Variants in PRKAG2 observed in about 807,000 individuals in gnomAD.
PRKAG2 encodes 5'-AMP-activated protein kinase subunit gamma-2.
In PRKAG2, 26 loss-of-function variants were observed where a neutral mutation model predicts 69.6. That is an observed-to-expected ratio of 0.37 (90% CI 0.27 to 0.52). PRKAG2 has a LOEUF of 0.52. Ranked by LOEUF, PRKAG2 falls within the 20% of genes least tolerant of loss-of-function variation. The pLI is 0.90. For synonymous variants in PRKAG2, 293 were observed against 285.0 expected, an observed-to-expected ratio of 1.03 and a Z score of -0.28; for missense variants, 557 against 740.0, an observed-to-expected ratio of 0.75 and a Z score of 2.87.
Position 151,632,755 on chromosome 7 carries a change from A to C in PRKAG2, c.685-617T>G. On this transcript the variant is annotated intron_variant, in intron 4 of 15. Coordinates refer to ENST00000287878, the MANE Select transcript of PRKAG2 (RefSeq NM_016203.4). The surrounding 1 kb of genome is among the most constrained non-coding windows in gnomAD (Gnocchi z 4.2). ...TAACTGCCCATCCTCGGCCCCCTTA[A>C]CAAAAATCGTTCCGTGGGCTACACG... is the stretch of plus-strand genomic sequence containing the variant. The C allele has an allele frequency of 4.0e-6, 1 of 251,060 alleles. No homozygotes were observed. The highest frequency in any genetic ancestry group is 6.3e-6 in the Non-Finnish European group (1 of 158,654). The allele number at this position is 251,060 out of a possible 1,614,324, so 15.6% of individuals were successfully genotyped here.
chr7:151,695,448 T>C (rs1836451069), intron 3 of PRKAG2, among the ~76,000 whole-genome samples: 1 of 151,992 alleles, frequency 6.6e-6, no homozygotes, highest in South Asian at 2.1e-4. Context: ...AAGTAGGCAT[T>C]TGTGATGGCC....
intron 15 of PRKAG2, chr7:151,559,364 T>C (rs1466730047): frequency 6.1e-6 from 6 of 985,490 alleles, no homozygotes; most frequent in Non-Finnish European, 7.2e-6. Context: ...TTCATGATTA[T>C]AGAGACTATT....
intron 1 of PRKAG2, among the ~76,000 whole-genome samples, chr7:151,800,367 A>G (rs1374355594): frequency 6.6e-6 from 1 of 151,344 alleles, no homozygotes; most frequent in Non-Finnish European, 1.5e-5. Flanking sequence ...CAAAAAAAAA[A>G]AAAAAAAGAA....
chr7:151,674,611 C>T (rs1472063057), intron 4 of PRKAG2, among the ~76,000 whole-genome samples: 1 of 152,164 alleles, frequency 6.6e-6, no homozygotes, highest in African/African-American at 2.4e-5. Context: ...AGATTCGCTG[C>T]CTCGGTCTCA....
intron 1 of PRKAG2, among the ~76,000 whole-genome samples, chr7:151,815,705 T>C (rs2078621240): frequency 6.6e-6 from 1 of 152,202 alleles, no homozygotes; most frequent in African/African-American, 2.4e-5. Context: ...TCTGCATGTC[T>C]TCCTGTACCT....
rs2151698925 is a variant in PRKAG2 at position 151,736,220 on chromosome 7, A to T, written c.466+44932T>A. ...GCAGCCCCAGAGTCTGTGAGGCGCC[A>T]GGGAGTGGAGCCGTCCTGACGGGGC... is the stretch of plus-strand genomic sequence containing the variant. On this transcript the variant is annotated intron_variant, in intron 3 of 15. Transcript: ENST00000287878. 5 of 1,392,080 alleles carry T rather than the reference A, an allele frequency of 3.6e-6. No homozygotes were observed. In the South Asian group the frequency reaches 7.8e-5, roughly 22 times the overall value. The allele number at this position is 1,392,080 out of a possible 1,614,324, so 86.2% of individuals were successfully genotyped here. A position where few individuals can be genotyped will look rare whatever the true frequency, so the allele number is the denominator to read the frequency against.
intron 6 of PRKAG2, among the ~76,000 whole-genome samples, chr7:151,588,048 T>C (rs1040391877): frequency 2.0e-5 from 3 of 152,186 alleles, no homozygotes; most frequent in African/African-American, 7.2e-5. Flanking sequence ...TTGTAGAGTA[T>C]TGCTAAAAGA....
In PRKAG2 at chr7:151,874,459, TATGTATATGTATATG is replaced by T. The variant is rs1300461613; in HGVS notation, c.114+2033_114+2047del. ...TGTATATGTATATGTATATGATGTA[TATGTATATGTATATG>T]ATGTATATGTATATGATGTATATGT... On this transcript the variant is annotated intron_variant, in intron 1 of 15. Coordinates refer to ENST00000287878, the MANE Select transcript of PRKAG2 (RefSeq NM_016203.4). 8.9e-5 allele frequency among the ~76,000 whole-genome samples: 2 copies of T among 22,598 alleles called. 1 individual carries two copies. The highest frequency in any genetic ancestry group is 2.5e-4 in the Non-Finnish European group (2 of 8,096). The allele number at this position is 22,598 out of a possible 152,430, so 14.8% of individuals were successfully genotyped here. A position where few individuals can be genotyped will look rare whatever the true frequency, so the allele number is the denominator to read the frequency against.
intron 5 of PRKAG2, among the ~76,000 whole-genome samples, chr7:151,617,266 AGGAGGGAGGGAGGGAAAGAGGGAGGGGG>A (rs1820371573): frequency 1.0e-5 from 1 of 96,190 alleles, no homozygotes. Context: ...GAGCGAGGGA[AGGAGGGAGGGAGGGAAAGAGGGAGGGGG>A]GGAGGGAGGG....
chr7:151,855,460 ACACACACCATGCTCCACACACCACCCTC>A (rs2079736122), intron 1 of PRKAG2, among the ~76,000 whole-genome samples: 4 of 25,354 alleles, frequency 1.6e-4, no homozygotes, highest in African/African-American at 6.8e-4. Context: ...ACCATCCTCC[ACACACACCATGCTCCACACACCACCCTC>A]CACACACCAC....
At chr7:151,672,305 A>G (rs1417593680) in intron 4 of PRKAG2, among the ~76,000 whole-genome samples, 1 of 151,686 alleles carries the variant, frequency 6.6e-6, no homozygotes, top group Non-Finnish European at 1.5e-5. Flanking sequence ...GCTTCACCGT[A>G]TTAGCCAGGA....
At chr7:151,710,648 A>AG (rs1795142257) in intron 3 of PRKAG2, among the ~76,000 whole-genome samples, 1 of 152,200 alleles carries the variant, frequency 6.6e-6, no homozygotes, top group Non-Finnish European at 1.5e-5. Flanking sequence ...ATACCATCTA[A>AG]GAGGGCACCG....
At chr7:151,775,476 G>GT (rs2076294608) in intron 3 of PRKAG2, among the ~76,000 whole-genome samples, 1 of 152,120 alleles carries the variant, frequency 6.6e-6, no homozygotes, top group Non-Finnish European at 1.5e-5. Context: ...TTGGAATTCC[G>GT]TAAATGCCCC....
intron 3 of PRKAG2, among the ~76,000 whole-genome samples, chr7:151,769,823 A>G (rs2075930687): frequency 6.6e-6 from 1 of 151,992 alleles, no homozygotes. Context: ...CCGAGGGTGC[A>G]CCCCCACCCC....
chr7:151,559,731 T>G (rs1352743959), intron 15 of PRKAG2: 1 of 985,284 alleles, frequency 1.0e-6, no homozygotes, highest in Admixed American at 6.1e-5. Context: ...CCGTTTAATA[T>G]TGGATTCTGA....
At chr7:151,736,232 C>T (rs924259221) in intron 3 of PRKAG2, 25 of 1,372,350 alleles carry the variant, frequency 1.8e-5, no homozygotes, top group African/African-American at 1.5e-4. Flanking sequence ...GGAGTGGAGC[C>T]GTCCTGACGG....
chr7:151,571,141 G>A (rs1040987082), intron 9 of PRKAG2, among the ~76,000 whole-genome samples: 1 of 147,742 alleles, frequency 6.8e-6, no homozygotes, highest in Admixed American at 6.8e-5. Flanking sequence ...GCATCATCTT[G>A]GCTCACTGCA....
At position 151,703,909 on chromosome 7, in the gene PRKAG2, C is replaced by CAA. The variant is rs71198728; in HGVS notation, c.467-28274_467-28273dup. 3.8e-5 allele frequency among the ~76,000 whole-genome samples: 5 copies of CAA among 131,586 alleles called. 1 individual carries two copies. The highest frequency in any genetic ancestry group is 1.5e-4 in the Admixed American group (2 of 12,930). 86.3% of individuals were successfully genotyped at this position (131,586 alleles called of 152,430 possible). A position where few individuals can be genotyped will look rare whatever the true frequency, so the allele number is the denominator to read the frequency against. On this transcript the variant is annotated intron_variant, in intron 3 of 15. Transcript: ENST00000287878. ...ACACACACACACACACACACACACA[C>CAA]AAATTAGCTAGGCATGGTGGCAGGT...
rs199521418 is a variant in PRKAG2 at position 151,572,616 on chromosome 7, C to T, written c.1051+48G>A. ...ATGAAAACATACTTTTCATACTAAA[C>T]ATAGCTTTCCCGATACTAAAAGATT... On this transcript the variant is annotated intron_variant, in intron 9 of 15. Transcript: ENST00000287878. The T allele has an allele frequency of 1.4e-5, 19 of 1,374,310 alleles. No individual in the cohort carries two copies. The African/African-American group carries it at 1.6e-4, about 11-fold the overall frequency. The allele number at this position is 1,374,310 out of a possible 1,614,324, so 85.1% of individuals were successfully genotyped here. A position where few individuals can be genotyped will look rare whatever the true frequency, so the allele number is the denominator to read the frequency against.
Sources: allele counts gnomAD v4.1 joint callset (sites outside exome capture counted in the v4.1 genomes callset), GRCh38; gene constraint gnomAD v4.1.1; non-coding constraint Gnocchi (gnomAD v3.1); transcripts MANE v1.5; gene names NCBI Gene and HGNC (gene_info 2026-07-23, HGNC 2026-07-21).